Variants in DNAH3 observed in about 807,000 individuals in gnomAD.
The protein encoded by DNAH3 is dynein axonemal heavy chain 3.
A neutral mutation model predicts 432.5 loss-of-function variants in DNAH3; 332 were observed. The ratio of observed to expected loss-of-function variants is 0.77; its 90% CI spans 0.70 to 0.84. DNAH3 has a LOEUF of 0.84. DNAH3 is among the 40% of genes least tolerant of loss of function. The probability of loss-of-function intolerance (pLI) is 0.00; values close to 1 mark genes in which losing one functional copy is unlikely to be tolerated. For synonymous variants in DNAH3, 1,956 were observed against 1,900.2 expected (o/e 1.03, Z -0.76); for missense variants, 4,861 against 5,114.0 (o/e 0.95, Z 1.51).
At chr16:21,125,021 T>G (rs758358394) in intron 9 of DNAH3, among the ~76,000 whole-genome samples, 154 bp downstream of exon 10, 5 of 152,162 alleles carry the variant, frequency 3.3e-5, no homozygotes, top group Non-Finnish European at 7.3e-5. Context: ...AGAAGACATT[T>G]TTATAAACTA....
intron 59 of DNAH3, among the ~76,000 whole-genome samples, chr16:20,938,893 C>T (rs1169399765): frequency 2.0e-5 from 3 of 152,146 alleles, no homozygotes; most frequent in Admixed American, 2.0e-4. Flanking sequence ...CCTCCCTCCT[C>T]AGTCTCCTGA....
intron 19 of DNAH3, among the ~76,000 whole-genome samples, 188 bp downstream of exon 19, chr16:21,086,661 A>AG (rs1221525800): frequency 1.3e-5 from 2 of 152,156 alleles, no homozygotes; most frequent in African/African-American, 4.8e-5. Flanking sequence ...CAACCTGTCC[A>AG]GGGGGCAGGG....
chr16:21,075,248 G>A (rs2090932931), intron 21 of DNAH3, among the ~76,000 whole-genome samples, 199 bp downstream of exon 21: 2 of 152,302 alleles, frequency 1.3e-5, no homozygotes, highest in South Asian at 4.1e-4. Flanking sequence ...AGACTTGTCT[G>A]ATTTGAAGAA....
intron 49 of DNAH3, among the ~76,000 whole-genome samples, chr16:20,982,393 A>C (rs2085952752): frequency 6.6e-6 from 1 of 152,098 alleles, no homozygotes; most frequent in Admixed American, 6.6e-5. Flanking sequence ...CTCAAAAACA[A>C]ATAAACAAAC....
chr16:20,934,018 T>C (rs922749953), intron 61 of DNAH3, among the ~76,000 whole-genome samples: 6 of 152,240 alleles, frequency 3.9e-5, no homozygotes, highest in Middle Eastern at 3.4e-3. Flanking sequence ...CCTGGTGAGC[T>C]GATATGAGTG....
At position 20,975,223 on chromosome 16, in the gene DNAH3, G is replaced by A. The variant is rs2085531017; in HGVS notation, c.8259+10C>T. On this transcript the variant is annotated intron_variant, in intron 51 of 61. Coordinates refer to ENST00000261383, the Ensembl canonical transcript of DNAH3. ...CACCAGTTCCCTCCCTTTCTTCTCA[G>A]TCTTTCTACCTTGATTCCTTGGGCA... 1 of 1,612,398 alleles carries A rather than the reference G, an allele frequency of 6.2e-7. No homozygotes were observed. The highest frequency in any genetic ancestry group is 8.5e-7 in the Non-Finnish European group (1 of 1,179,836).
chr16:20,988,344 G>C (rs998283548), intron 44 of DNAH3, among the ~76,000 whole-genome samples: 5 of 152,194 alleles, frequency 3.3e-5, no homozygotes, highest in Admixed American at 1.3e-4. Flanking sequence ...CAGATATAGA[G>C]CATCTCCATA....
intron 3 of DNAH3, among the ~76,000 whole-genome samples, chr16:21,142,355 G>A (rs1028962435): frequency 3.3e-5 from 5 of 151,956 alleles, no homozygotes; most frequent in South Asian, 2.1e-4. Context: ...CAATGAGAGC[G>A]AAACTCCGTC....
chr16:21,037,718 A>T (rs768963795), intron 34 of DNAH3, 43 bp downstream of exon 34: 1 of 1,563,460 alleles, frequency 6.4e-7, no homozygotes, highest in Non-Finnish European at 8.8e-7. Flanking sequence ...ATCTTCCAAC[A>T]TTGAGCCTTG....
At chr16:20,980,490 A>G (rs564509121) in intron 49 of DNAH3, among the ~76,000 whole-genome samples, 13 of 151,286 alleles carry the variant, frequency 8.6e-5, no homozygotes, top group African/African-American at 3.2e-4. Context: ...CTCCCACCTC[A>G]GCCTCCTGAG....
intron 21 of DNAH3, among the ~76,000 whole-genome samples, chr16:21,071,443 G>T (rs916663114): frequency 2.6e-5 from 4 of 151,880 alleles, no homozygotes; most frequent in African/African-American, 9.7e-5. Flanking sequence ...CAAAGTGTTG[G>T]GATTACAGGC....
intron 21 of DNAH3, 146 bp from the exon 22 acceptor site, chr16:21,070,972 A>G (rs965811690): frequency 3.6e-6 from 2 of 550,458 alleles, no homozygotes; most frequent in Admixed American, 2.7e-5. Context: ...GCAGCCTCAA[A>G]CTCCTGGGCT....
At chr16:20,980,182 T>C (rs1386332455) in intron 49 of DNAH3, among the ~76,000 whole-genome samples, 1 of 138,616 alleles carries the variant, frequency 7.2e-6, no homozygotes, top group Non-Finnish European at 1.6e-5. Flanking sequence ...TATATATATA[T>C]ATATATAATT....
At chr16:21,062,795 T>C in intron 24 of DNAH3, 112 bp from the exon 25 acceptor site, 1 of 769,860 alleles carries the variant, frequency 1.3e-6, no homozygotes, top group South Asian at 1.8e-5. Flanking sequence ...AGTTATGTCT[T>C]GCGGTCTTCA....
At chr16:21,079,598 T>C (rs7206871) in intron 20 of DNAH3, among the ~76,000 whole-genome samples, 5,972 of 151,944 alleles carry the variant, frequency 0.039, 402 homozygotes, top group African/African-American at 0.14. Flanking sequence ...GATTGCACCA[T>C]TGCACTCCAG....
chr16:21,087,539 G>GA (rs574356236), intron 18 of DNAH3, among the ~76,000 whole-genome samples: 100 of 151,368 alleles, frequency 6.6e-4, no homozygotes, highest in Non-Finnish European at 1.3e-3. Context: ...AGAAGAAAAA[G>GA]AAAAAAGAAA....
chr16:21,064,030 G>T (rs889651609), intron 24 of DNAH3, among the ~76,000 whole-genome samples: 1 of 152,156 alleles, frequency 6.6e-6, no homozygotes, highest in Admixed American at 6.6e-5. Context: ...TACAAAAATG[G>T]CCACGATATT....
chr16:20,986,320 C>A (rs1271395005), intron 47 of DNAH3, among the ~76,000 whole-genome samples: 3 of 151,778 alleles, frequency 2.0e-5, no homozygotes, highest in Non-Finnish European at 4.4e-5. Context: ...GCCTGGGCAA[C>A]ATAGTGAGAC....
At chr16:20,940,870 G>T (rs1275456159) in intron 59 of DNAH3, among the ~76,000 whole-genome samples, 1 of 152,136 alleles carries the variant, frequency 6.6e-6, no homozygotes, top group African/African-American at 2.4e-5. Context: ...AAGGCTGGAG[G>T]CCTGCTTGAG....
Sources: allele counts gnomAD v4.1 joint callset (sites outside exome capture counted in the v4.1 genomes callset), GRCh38; gene constraint gnomAD v4.1.1; transcripts MANE v1.5; gene names NCBI Gene and HGNC (gene_info 2026-07-23, HGNC 2026-07-21).